RBKS: variants seen among roughly 807,000 people sequenced by gnomAD.
The protein encoded by RBKS is ribokinase.
In RBKS, 33 loss-of-function variants were observed where a neutral mutation model predicts 33.9. That is an observed-to-expected ratio of 0.97 (90% CI 0.74 to 1.30). The LOEUF (loss-of-function observed/expected upper bound fraction) is 1.30. Among genes scored for constraint, RBKS ranks in the 50% most tolerant of loss-of-function variants. The pLI is 0.00. For synonymous variants in RBKS, 125 were observed against 143.0 expected (o/e 0.87, Z 0.90); for missense variants, 361 against 392.6 (o/e 0.92, Z 0.68).
At chr2:27,870,803 T>C in intron 1 of RBKS, 1 of 465,906 alleles carries the variant, frequency 2.1e-6, no homozygotes, top group Non-Finnish European at 4.4e-6. Context: ...TTTCCTGACA[T>C]GTAATCACGC....
intron 1 of RBKS, among the ~76,000 whole-genome samples, chr2:27,881,763 C>T (rs1664421160): frequency 6.6e-6 from 1 of 151,994 alleles, no homozygotes; most frequent in Admixed American, 6.6e-5. Context: ...AAAATAAGGC[C>T]ACATACCTAC....
At position 27,795,844 on chromosome 2, in the gene RBKS, G is replaced by A. The variant is rs187320144; in HGVS notation, c.796-14056C>T. Among the ~76,000 whole-genome samples, 3 of 152,292 alleles carry A rather than the reference G, an allele frequency of 2.0e-5. No individual in the cohort carries two copies. Among genetic ancestry groups the A allele is most frequent in the Admixed American group, 2.0e-4 (3 of 15,298 alleles). On this transcript the variant is annotated intron_variant, in intron 7 of 7. Transcript: ENST00000302188. This position sits in a 1 kb window ranked among gnomAD's most constrained non-coding sequence, Gnocchi z 4.1. The stretch of plus-strand genomic sequence containing the variant: ...CCCTTTGTATTTCTCTTAGGACTCT[G>A]AGTTCATTGTGCTGAACGTTTTCTG...
chr2:27,809,377 G>A (rs1217042268), intron 7 of RBKS, among the ~76,000 whole-genome samples: 1 of 152,186 alleles, frequency 6.6e-6, no homozygotes, highest in Non-Finnish European at 1.5e-5. Context: ...AAATGTTTGC[G>A]GTGGGTTAAT....
At chr2:27,809,768 G>T in intron 7 of RBKS, 1 of 374,096 alleles carries the variant, frequency 2.7e-6, no homozygotes, top group Non-Finnish European at 4.7e-6. Flanking sequence ...TGTTCTCCAA[G>T]AAAAATGCAT....
chr2:27,842,760 G>A (rs529773474), intron 5 of RBKS, among the ~76,000 whole-genome samples: 4 of 152,014 alleles, frequency 2.6e-5, no homozygotes, highest in African/African-American at 9.6e-5. Context: ...GGGTTCAAGC[G>A]ATTCTCCTGC....
At chr2:27,828,929 A>G (rs1678370504) in intron 6 of RBKS, among the ~76,000 whole-genome samples, 1 of 152,142 alleles carries the variant, frequency 6.6e-6, no homozygotes, top group African/African-American at 2.4e-5. Flanking sequence ...ATCTTGCTCT[A>G]TTACTCCAGC....
intron 7 of RBKS, among the ~76,000 whole-genome samples, chr2:27,784,919 A>G (rs774566709): frequency 2.6e-5 from 4 of 152,200 alleles, no homozygotes; most frequent in Non-Finnish European, 5.9e-5. Flanking sequence ...AGTTTGCAGC[A>G]CAGCAGCCAA....
intron 1 of RBKS, among the ~76,000 whole-genome samples, chr2:27,875,266 A>G (rs541820090): frequency 1.1e-4 from 16 of 152,228 alleles, no homozygotes; most frequent in African/African-American, 3.6e-4. Flanking sequence ...TGTTATTTCC[A>G]GCCAGGTATG....
At chr2:27,859,903 C>T (rs946578428) in intron 1 of RBKS, among the ~76,000 whole-genome samples, 3 of 152,166 alleles carry the variant, frequency 2.0e-5, no homozygotes, top group Non-Finnish European at 4.4e-5. Flanking sequence ...AACGGGATGA[C>T]ATATAACTGA....
chr2:27,853,407 C>T (rs2148216796), intron 2 of RBKS, among the ~76,000 whole-genome samples: 1 of 150,672 alleles, frequency 6.6e-6, no homozygotes, highest in Non-Finnish European at 1.5e-5. Context: ...ACCTGTAATC[C>T]CAGCACTTTG....
At chr2:27,866,557 A>C (rs1664104367) in intron 1 of RBKS, among the ~76,000 whole-genome samples, 1 of 152,212 alleles carries the variant, frequency 6.6e-6, no homozygotes, top group Non-Finnish European at 1.5e-5. Context: ...GCTGTTCCAC[A>C]GGTCACAGAC....
At chr2:27,881,090 A>C (rs148665380) in intron 1 of RBKS, among the ~76,000 whole-genome samples, 67 of 151,440 alleles carry the variant, frequency 4.4e-4, no homozygotes, top group African/African-American at 1.2e-3. Context: ...AACAAACAAA[A>C]AAACAGAAAT....
intron 2 of RBKS, among the ~76,000 whole-genome samples, chr2:27,852,958 C>A (rs1418615281): frequency 6.6e-6 from 1 of 152,170 alleles, no homozygotes. Flanking sequence ...TTCATATTAA[C>A]TTTTAACTTG....
intron 7 of RBKS, among the ~76,000 whole-genome samples, chr2:27,791,393 T>C (rs1427483661): frequency 3.3e-5 from 5 of 152,160 alleles, no homozygotes; most frequent in Non-Finnish European, 7.4e-5. Flanking sequence ...TCTAATCTGT[T>C]GAGGGCGTGG....
At chr2:27,833,002 C>T (rs1442763946) in intron 5 of RBKS, among the ~76,000 whole-genome samples, 1 of 152,162 alleles carries the variant, frequency 6.6e-6, no homozygotes. Flanking sequence ...TACAACATTT[C>T]AGCTTCCAGG....
intron 2 of RBKS, among the ~76,000 whole-genome samples, chr2:27,852,394 G>A (rs1179091923): frequency 6.6e-6 from 1 of 152,182 alleles, no homozygotes. Context: ...AAAGGGCTGG[G>A]TGTATGAGGA....
intron 1 of RBKS, among the ~76,000 whole-genome samples, chr2:27,860,744 T>C (rs1275563834): frequency 2.0e-5 from 3 of 152,182 alleles, no homozygotes; most frequent in Non-Finnish European, 4.4e-5. Flanking sequence ...TTCTTCACTC[T>C]TTTGGTATTT....
intron 7 of RBKS, among the ~76,000 whole-genome samples, chr2:27,813,761 T>G (rs1678037230): frequency 1.3e-5 from 2 of 152,104 alleles, no homozygotes; most frequent in African/African-American, 4.8e-5. Flanking sequence ...AGAAAATGGT[T>G]GTGAGTTTTT....
chr2:27,839,179 A>C (rs1663406595), intron 5 of RBKS, among the ~76,000 whole-genome samples: 1 of 152,224 alleles, frequency 6.6e-6, no homozygotes, highest in African/African-American at 2.4e-5. Context: ...GTGCTGGACA[A>C]TGTCATTGTG....
Sources: allele counts gnomAD v4.1 joint callset (sites outside exome capture counted in the v4.1 genomes callset), GRCh38; gene constraint gnomAD v4.1.1; non-coding constraint Gnocchi (gnomAD v3.1); transcripts MANE v1.5; gene names NCBI Gene and HGNC (gene_info 2026-07-23, HGNC 2026-07-21).